COL22A1: variants seen among roughly 807,000 people sequenced by gnomAD.
The protein encoded by COL22A1 is collagen alpha-1(XXII) chain.
A neutral mutation model predicts 248.9 loss-of-function variants in COL22A1; 221 were observed. The observed-to-expected ratio is 0.89, with a 90% CI of 0.80 to 0.99. COL22A1 has a LOEUF of 0.99. Among genes scored for constraint, COL22A1 ranks in the 50% least tolerant of loss-of-function variants. The pLI is 0.00. For synonymous variants in COL22A1, 891 were observed against 793.4 expected, an observed-to-expected ratio of 1.12 and a Z score of -2.07; for missense variants, 2,240 against 2,179.0, an observed-to-expected ratio of 1.03 and a Z score of -0.56.
intron 17 of COL22A1, 52 bp downstream of exon 17, chr8:138,762,361 C>T: frequency 6.4e-7 from 1 of 1,567,838 alleles, no homozygotes; most frequent in South Asian, 1.1e-5. Context: ...TGGTCATTCC[C>T]ATCCTCTGAC....
At chr8:138,848,639 T>C (rs1821419740) in intron 3 of COL22A1, among the ~76,000 whole-genome samples, 1 of 152,080 alleles carries the variant, frequency 6.6e-6, no homozygotes, top group South Asian at 2.1e-4. Context: ...GAACGGAGGG[T>C]ACATGCAATT....
intron 6 of COL22A1, chr8:138,825,893 A>C (rs1819539683): frequency 6.6e-6 from 1 of 152,224 alleles, no homozygotes; most frequent in Non-Finnish European, 1.5e-5. Context: ...AACAAATAGT[A>C]GTGTTGCTTT....
intron 20 of COL22A1, 27 bp downstream of exon 20, chr8:138,755,455 T>C: frequency 3.1e-6 from 5 of 1,609,614 alleles, no homozygotes; most frequent in Non-Finnish European, 4.3e-6. Context: ...TAAATCCCCA[T>C]GAGAAGAAGA....
chr8:138,876,069 C>G (rs977606696), intron 3 of COL22A1, among the ~76,000 whole-genome samples: 4 of 152,168 alleles, frequency 2.6e-5, no homozygotes, highest in African/African-American at 9.7e-5. Flanking sequence ...TGTCATACCC[C>G]CGCATAAACC....
chr8:138,900,798 G>A (rs1814490159), intron 1 of COL22A1, among the ~76,000 whole-genome samples: 1 of 152,210 alleles, frequency 6.6e-6, no homozygotes, highest in African/African-American at 2.4e-5. Context: ...GTGTAGCAGT[G>A]TTCCTGCCTC....
chr8:138,663,712 C>T lies in COL22A1; in HGVS notation c.3179G>A (p.Gly1060Glu). ...PGPSGPPGDK[G>E]SPGSRGLPGF... ...ATTTAAAGCATACTGTACCGGGGATCCTTTGTCTCCTGGTGGTCCGGAAGG... is the reference window on the plus strand; with the variant it reads ...ATTTAAAGCATACTGTACCGGGGATTCTTTGTCTCCTGGTGGTCCGGAAGG... Residue 1060 changes from glycine (G) to glutamate (E), a missense_variant, in exon 42 of 65, where the codon GGA becomes GAA. Transcript: ENST00000303045. The T allele has an allele frequency of 6.2e-7, 1 of 1,609,906 alleles. No individual in the cohort carries two copies. Among genetic ancestry groups the T allele is most frequent in the South Asian group, 1.1e-5 (1 of 90,990 alleles).
At chr8:138,753,112 T>C (rs992799950) in intron 21 of COL22A1, among the ~76,000 whole-genome samples, 2 of 152,192 alleles carry the variant, frequency 1.3e-5, no homozygotes, top group African/African-American at 4.8e-5. Flanking sequence ...AATTGGGCCA[T>C]GAAATCAGGT....
In COL22A1 at chr8:138,679,790, G is replaced by T. The variant is rs896038547; in HGVS notation, c.3013-114C>A. ...ATCTATGCATCTCTGTATCCACAGT[G>T]TCCAGATTAGGGTCTGGCACAGGTG... On this transcript the variant is annotated intron_variant, in intron 39 of 64. Transcript: ENST00000303045. 6 of 957,328 alleles carry T rather than the reference G, an allele frequency of 6.3e-6. No homozygotes were observed. In the African/African-American group the frequency reaches 9.6e-5, roughly 15 times the overall value. 59.3% of individuals were successfully genotyped at this position (957,328 alleles called of 1,614,324 possible).
intron 36 of COL22A1, among the ~76,000 whole-genome samples, chr8:138,690,058 T>G (rs1181742348): frequency 1.3e-5 from 2 of 152,238 alleles, no homozygotes; most frequent in African/African-American, 4.8e-5. Flanking sequence ...GCAGGGTTGC[T>G]GTGCAGAGTA....
At chr8:138,810,641 T>C (rs1202564154) in intron 9 of COL22A1, among the ~76,000 whole-genome samples, 2 of 152,188 alleles carry the variant, frequency 1.3e-5, no homozygotes, top group African/African-American at 2.4e-5. Flanking sequence ...CAGAGTTCGA[T>C]GTCCGAATTA....
chr8:138,848,943 C>T (rs1194836190), intron 3 of COL22A1, among the ~76,000 whole-genome samples: 1 of 152,170 alleles, frequency 6.6e-6, no homozygotes, highest in East Asian at 1.9e-4. Flanking sequence ...TCATCCATCA[C>T]CTCGCAGCGG....
At chr8:138,900,930 A>G (rs1814503287) in intron 1 of COL22A1, among the ~76,000 whole-genome samples, 1 of 152,196 alleles carries the variant, frequency 6.6e-6, no homozygotes, top group African/African-American at 2.4e-5. Context: ...CATGTGATAG[A>G]AGGTGACTTG....
chr8:138,692,315 T>C (rs1247046826), intron 35 of COL22A1, among the ~76,000 whole-genome samples: 18 of 17,812 alleles, frequency 1.0e-3, no homozygotes, highest in East Asian at 2.9e-3. Flanking sequence ...TGTATGTGTG[T>C]GCATGCGTGT....
rs9987213 is a variant in COL22A1, at chr8:138,728,528, G to A, written c.2140-3088C>T. On this transcript the variant is annotated intron_variant, in intron 23 of 64. Transcript: ENST00000303045. ...TCAAAAAAGGTGAGCCCAGGAAGCC[G>A]GCCCCCTGACCAGCCCCTCGCTCTG... is the stretch of plus-strand genomic sequence containing the variant. Among the ~76,000 whole-genome samples the A allele has an allele frequency of 8.1e-3, 1,230 of 152,076 alleles. 19 individuals are homozygous for A. Among genetic ancestry groups the A allele is most frequent in the African/African-American group, 0.028 (1,169 of 41,470 alleles).
At chr8:138,761,437 A>T (rs547982623) in intron 17 of COL22A1, among the ~76,000 whole-genome samples, 1 of 152,240 alleles carries the variant, frequency 6.6e-6, no homozygotes, top group Non-Finnish European at 1.5e-5. Flanking sequence ...AAAGCAAGAT[A>T]TAAAAAGTAT....
chr8:138,722,291 A>G, intron 25 of COL22A1: 1 of 582,634 alleles, frequency 1.7e-6, no homozygotes, highest in Non-Finnish European at 3.1e-6. Flanking sequence ...ACTGAAGCAA[A>G]TATCACCCTC....
chr8:138,768,872 G>A lies in COL22A1; in HGVS notation c.1804-6406C>T, dbSNP rs191513157. On this transcript the variant is annotated intron_variant, in intron 16 of 64. Coordinates refer to ENST00000303045, the MANE Select transcript of COL22A1 (RefSeq NM_152888.3). ...GAATTGCTTGAACCCAGGAGGCAGA[G>A]GTTTCAGTGAGCCGAGATAGTGCCA... Among the ~76,000 whole-genome samples, 138 of 152,188 alleles carry A rather than the reference G, an allele frequency of 9.1e-4. 1 individual carries two copies. The highest frequency in any genetic ancestry group is 1.7e-3 in the Non-Finnish European group (116 of 68,008).
chr8:138,605,439 G>A (rs1418811201), intron 58 of COL22A1, among the ~76,000 whole-genome samples: 1 of 152,152 alleles, frequency 6.6e-6, no homozygotes, highest in Non-Finnish European at 1.5e-5. Flanking sequence ...ATTAACAAGG[G>A]GATGGAGAAG....
intron 3 of COL22A1, among the ~76,000 whole-genome samples, chr8:138,856,600 G>C (rs796999268): frequency 4.0e-5 from 6 of 150,034 alleles, no homozygotes; most frequent in Admixed American, 4.0e-4. Flanking sequence ...GTGAGAGAGA[G>C]AGAGAGAGAG....
Sources: allele counts gnomAD v4.1 joint callset (sites outside exome capture counted in the v4.1 genomes callset), GRCh38; gene constraint gnomAD v4.1.1; transcripts MANE v1.5; gene names NCBI Gene and HGNC (gene_info 2026-07-23, HGNC 2026-07-21).